The following EFCAB6 variants were observed in gnomAD, a reference collection of about 807,000 sequenced individuals.
EFCAB6 encodes EF-hand calcium-binding domain-containing protein 6.
EFCAB6 carries 156 observed loss-of-function variants against 169.8 expected under a neutral mutation model. The observed-to-expected ratio is 0.92, with a 90% confidence interval of 0.81 to 1.05. EFCAB6 has a LOEUF of 1.05. Ranked by LOEUF, EFCAB6 falls within the 50% of genes least tolerant of loss-of-function variation. The pLI, the probability that EFCAB6 is intolerant of heterozygous loss-of-function variation, is 0.00. For synonymous variants in EFCAB6, 698 were observed against 676.4 expected (o/e 1.03, Z -0.50); for missense variants, 1,800 against 1,829.1 (o/e 0.98, Z 0.29).
chr22:43,783,791 C>T (rs974768619), intron 2 of EFCAB6, among the ~76,000 whole-genome samples: 1 of 152,202 alleles, frequency 6.6e-6, no homozygotes, highest in East Asian at 1.9e-4. Flanking sequence ...AGCATGATGT[C>T]TCATCTCTGT....
chr22:43,647,952 G>A (rs2148030802), intron 17 of EFCAB6, among the ~76,000 whole-genome samples: 1 of 152,138 alleles, frequency 6.6e-6, no homozygotes, highest in Non-Finnish European at 1.5e-5. Context: ...CGAGAACTGT[G>A]AAAAAATACA....
intron 12 of EFCAB6, 33 bp from the exon 13 acceptor site, chr22:43,678,196 G>GGA (rs2057851564): frequency 9.4e-7 from 1 of 1,062,788 alleles, no homozygotes; most frequent in African/African-American, 2.1e-5. Flanking sequence ...GGGAATTTTT[G>GGA]AAAAAAAAAA....
In EFCAB6 at chr22:43,615,908, A is replaced by G; in HGVS notation, c.2480T>C (p.Val827Ala). 1 of 1,613,356 alleles carries G rather than the reference A, an allele frequency of 6.2e-7. No homozygotes were observed. The highest frequency in any genetic ancestry group is 8.5e-7 in the Non-Finnish European group (1 of 1,179,868). The change falls in exon 21 of 32, where the codon GTT becomes GCT. Residue 827 changes from valine (V) to alanine (A), a missense_variant. Physicochemically the swap from Val to Ala is moderately conservative, Grantham distance 64. Transcript: ENST00000262726. ...CTCACAAGCTAGTTCTGAATCCGCAACCTTCTGTTTTGGTCTTAAAAGAAA... is the reference window on the plus strand; with the variant it reads ...CTCACAAGCTAGTTCTGAATCCGCAGCCTTCTGTTTTGGTCTTAAAAGAAA... The part of the protein sequence containing the change: ...PQRLIRPKQK[V>A]ADSELACEQA...
chr22:43,656,885 T>C (rs1366505519), intron 17 of EFCAB6, among the ~76,000 whole-genome samples: 3 of 152,234 alleles, frequency 2.0e-5, no homozygotes, highest in African/African-American at 7.2e-5. Context: ...CGCCTAACGA[T>C]GCGTTTCTCA....
rs1491513360 is a variant in EFCAB6, at chr22:43,789,846, T to TCCACACACAC, written c.-7-7522_-7-7521insGTGTGTGTGG. 3.3e-5 allele frequency among the ~76,000 whole-genome samples: 3 copies of TCCACACACAC among 90,806 alleles called. No homozygotes were observed. In the South Asian group the frequency reaches 1.2e-3, roughly 35 times the overall value. 59.6% of individuals were successfully genotyped at this position (90,806 alleles called of 152,430 possible). A position where few individuals can be genotyped will look rare whatever the true frequency, so the allele number is the denominator to read the frequency against. On this transcript the variant is annotated intron_variant, in intron 2 of 31. Coordinates refer to ENST00000262726, the MANE Select transcript of EFCAB6 (RefSeq NM_022785.4). ...TCTGAGGCTCCTAAGTTGGCTAACC[T>TCCACACACAC]TCACACACACACACACACACACACA...
chr22:43,734,610 T>C (rs2060067426), intron 7 of EFCAB6, among the ~76,000 whole-genome samples: 1 of 152,210 alleles, frequency 6.6e-6, no homozygotes, highest in African/African-American at 2.4e-5. Flanking sequence ...TGTTCTATAA[T>C]TGCGTGCACA....
intron 10 of EFCAB6, among the ~76,000 whole-genome samples, chr22:43,709,691 A>G (rs142164574): frequency 1.3e-5 from 2 of 152,338 alleles, no homozygotes; most frequent in African/African-American, 4.8e-5. Flanking sequence ...AATTTTTATT[A>G]TTGCTATTAA....
intron 17 of EFCAB6, among the ~76,000 whole-genome samples, chr22:43,658,001 G>A (rs567750086): frequency 6.6e-6 from 1 of 152,256 alleles, no homozygotes; most frequent in South Asian, 2.1e-4. Context: ...GGCTGAGGCC[G>A]GTGGATCACC....
chr22:43,673,582 C>G (rs771390759), intron 13 of EFCAB6, among the ~76,000 whole-genome samples: 2 of 152,080 alleles, frequency 1.3e-5, no homozygotes, highest in African/African-American at 4.8e-5. Context: ...TCGAGACTAG[C>G]CTGGCCAACA....
intron 3 of EFCAB6, among the ~76,000 whole-genome samples, chr22:43,781,660 A>G (rs1241661469): frequency 6.6e-6 from 1 of 152,088 alleles, no homozygotes; most frequent in Non-Finnish European, 1.5e-5. Flanking sequence ...TTTGTCTAAA[A>G]CTAATACAAT....
intron 30 of EFCAB6, among the ~76,000 whole-genome samples, chr22:43,532,703 GA>G (rs1476677040): frequency 6.6e-6 from 1 of 152,056 alleles, no homozygotes; most frequent in Non-Finnish European, 1.5e-5. Context: ...TAGCTGTGAA[GA>G]AACTTTCTGC....
intron 10 of EFCAB6, among the ~76,000 whole-genome samples, chr22:43,707,282 T>A (rs1454449310): frequency 6.6e-6 from 1 of 151,890 alleles, no homozygotes; most frequent in Non-Finnish European, 1.5e-5. Flanking sequence ...TTAAGAGACA[T>A]GAAGAATGAA....
chr22:43,683,556 A>G, intron 12 of EFCAB6, 191 bp downstream of exon 12: 1 of 569,804 alleles, frequency 1.8e-6, no homozygotes, highest in Non-Finnish European at 3.1e-6. Flanking sequence ...CTTCCCAACT[A>G]GACTCAACCC....
intron 5 of EFCAB6, among the ~76,000 whole-genome samples, chr22:43,760,629 C>A (rs2147896800): frequency 6.6e-6 from 1 of 151,392 alleles, no homozygotes; most frequent in African/African-American, 2.4e-5. Flanking sequence ...CCTGAAGGTT[C>A]CGCCCTCTTG....
chr22:43,623,969 T>G (rs1347161761), intron 20 of EFCAB6, among the ~76,000 whole-genome samples: 1 of 151,232 alleles, frequency 6.6e-6, no homozygotes, highest in Non-Finnish European at 1.5e-5. Flanking sequence ...CCAGGTCTGC[T>G]TGGTGGTGGA....
At chr22:43,541,591 AGGAAAAACT>A (rs369801206) in intron 27 of EFCAB6, among the ~76,000 whole-genome samples, 7 of 152,250 alleles carry the variant, frequency 4.6e-5, no homozygotes, top group South Asian at 2.1e-4. Flanking sequence ...CTGACCAACG[AGGAAAAACT>A]ATTTTGTGGA....
intron 26 of EFCAB6, among the ~76,000 whole-genome samples, chr22:43,569,678 CCT>C (rs2049711885): frequency 6.6e-6 from 1 of 152,240 alleles, no homozygotes; most frequent in Non-Finnish European, 1.5e-5. Context: ...CCAAGGCCCC[CCT>C]GAGAGTCCAA....
At position 43,528,874 on chromosome 22, in the gene EFCAB6, G is replaced by T. The variant is rs774472821; in HGVS notation, c.4485C>A (p.Phe1495Leu). The stretch of plus-strand genomic sequence containing the variant: ...GTGTCTACTGGAGGAATGCCCGGAG[G>T]AAGTCGTTGTAGGAGATTTTTGAAG... The part of the protein sequence containing the change: ...TLSSKISYND[F>L]LRAFLQ Residue 1495 changes from phenylalanine to leucine, a missense_variant, in exon 32 of 32, where the codon TTC becomes TTA. Phe to Leu is a conservative substitution (Grantham distance 22). Transcript: ENST00000262726. 7.4e-6 allele frequency: 12 copies of T among 1,611,288 alleles called. No individual in the cohort carries two copies. The highest frequency in any genetic ancestry group is 1.7e-5 in the Admixed American group (1 of 60,010).
At chr22:43,585,508 T>C (rs182770415) in intron 24 of EFCAB6, among the ~76,000 whole-genome samples, 1 of 152,184 alleles carries the variant, frequency 6.6e-6, no homozygotes, top group Non-Finnish European at 1.5e-5. Context: ...ACCTGCATCA[T>C]TGGAATACCA....
Sources: gnomAD v4.1 joint callset for allele counts (sites outside exome capture counted in the v4.1 genomes callset) on GRCh38, gnomAD v4.1.1 for gene constraint, MANE v1.5 for transcripts, NCBI Gene and HGNC (gene_info 2026-07-23, HGNC 2026-07-21) for gene names.